EIF2B3: variants seen among roughly 807,000 people sequenced by gnomAD.
EIF2B3 encodes eukaryotic translation initiation factor 2B subunit gamma.
In EIF2B3, 20 loss-of-function variants were observed where a neutral mutation model predicts 54.1. The observed-to-expected ratio is 0.37, with a 90% CI of 0.26 to 0.54. The LOEUF is 0.54. Among genes scored for constraint, EIF2B3 ranks in the 20% least tolerant of loss-of-function variants. The probability of loss-of-function intolerance (pLI) is 0.86; values close to 1 mark genes in which losing one functional copy is unlikely to be tolerated. For missense variants in EIF2B3, 448 were observed against 547.8 expected (o/e 0.82, Z 1.82); for synonymous variants, 153 against 188.1 (o/e 0.81, Z 1.52).
At chr1:44,910,386 C>T (rs1465771751) in intron 5 of EIF2B3, among the ~76,000 whole-genome samples, 2 of 152,192 alleles carry the variant, frequency 1.3e-5, no homozygotes, top group East Asian at 3.8e-4. Context: ...TCTACCAGAA[C>T]ATTCTTTCCT....
chr1:44,894,031 A>T (rs1569642540), intron 6 of EIF2B3, among the ~76,000 whole-genome samples: 1 of 152,306 alleles, frequency 6.6e-6, no homozygotes, highest in East Asian at 1.9e-4. Flanking sequence ...GTCTAGGAGC[A>T]GCTCCTACTA....
intron 5 of EIF2B3, among the ~76,000 whole-genome samples, chr1:44,899,843 A>T (rs1203541941): frequency 6.6e-6 from 1 of 152,252 alleles, no homozygotes; most frequent in African/African-American, 2.4e-5. Flanking sequence ...ATATATCCAA[A>T]GGAAAAGAAA....
intron 3 of EIF2B3, among the ~76,000 whole-genome samples, chr1:44,975,194 C>T (rs537367310): frequency 7.9e-5 from 12 of 151,616 alleles, no homozygotes; most frequent in Admixed American, 2.0e-4. Flanking sequence ...CCAGCCTGGA[C>T]GACAGAGCAA....
intron 3 of EIF2B3, chr1:44,959,526 G>A (rs959774727): frequency 2.5e-5 from 5 of 199,332 alleles, no homozygotes; most frequent in Non-Finnish European, 4.1e-5. Flanking sequence ...CTGGGCAACA[G>A]AGTGAGACCC....
chr1:44,973,664 A>T (rs1280435466), intron 3 of EIF2B3, among the ~76,000 whole-genome samples: 2 of 152,136 alleles, frequency 1.3e-5, no homozygotes, highest in Non-Finnish European at 2.9e-5. Context: ...AGATCATGCC[A>T]CTGCACCCCA....
chr1:44,979,247 A>AAAAC (rs761510441), intron 2 of EIF2B3, among the ~76,000 whole-genome samples: 9 of 151,406 alleles, frequency 5.9e-5, no homozygotes, highest in South Asian at 2.1e-4. Flanking sequence ...AGTCTGTCTC[A>AAAAC]AAACAAACAA....
intron 10 of EIF2B3, among the ~76,000 whole-genome samples, chr1:44,873,098 G>A (rs1655015084): frequency 1.3e-5 from 2 of 152,134 alleles, no homozygotes; most frequent in South Asian, 4.1e-4. Context: ...GAATTATGTC[G>A]CTTATTTTTT....
At chr1:44,860,511 C>A (rs746715975) in intron 10 of EIF2B3, among the ~76,000 whole-genome samples, 6 of 152,162 alleles carry the variant, frequency 3.9e-5, no homozygotes, top group Non-Finnish European at 8.8e-5. Flanking sequence ...TAAAAAAGAG[C>A]AACCACATTT....
At chr1:44,949,238 A>G (rs1330434737) in intron 3 of EIF2B3, among the ~76,000 whole-genome samples, 1 of 152,136 alleles carries the variant, frequency 6.6e-6, no homozygotes, top group Non-Finnish European at 1.5e-5. Flanking sequence ...ACTCTATTAT[A>G]TATTTATCCA....
At chr1:44,894,559 C>G (rs1655902967) in intron 6 of EIF2B3, among the ~76,000 whole-genome samples, 1 of 152,070 alleles carries the variant, frequency 6.6e-6, no homozygotes, top group Non-Finnish European at 1.5e-5. Context: ...AACATGTAAA[C>G]AAATAACAAA....
At chr1:44,930,225 G>C (rs1643884422) in intron 4 of EIF2B3, among the ~76,000 whole-genome samples, 1 of 152,108 alleles carries the variant, frequency 6.6e-6, no homozygotes, top group East Asian at 1.9e-4. Context: ...GCTATGTCTA[G>C]AGTTAGGAAT....
intron 4 of EIF2B3, among the ~76,000 whole-genome samples, chr1:44,941,088 T>C (rs1419785377): frequency 6.6e-6 from 1 of 152,064 alleles, no homozygotes; most frequent in East Asian, 1.9e-4. Context: ...GGTTTCACCA[T>C]GTTGGCCAGG....
chr1:44,913,919 C>T (rs371590700), intron 5 of EIF2B3, among the ~76,000 whole-genome samples: 1 of 145,888 alleles, frequency 6.9e-6, no homozygotes, highest in East Asian at 2.1e-4. Context: ...CTCCGCCTCC[C>T]GGGTTCAAGT....
rs1655337140 is a variant in EIF2B3 at position 44,879,976 on chromosome 1, G to T, written c.817C>A (p.Leu273Met). The T allele has an allele frequency of 6.2e-7, 1 of 1,614,104 alleles. No homozygotes were observed. Among genetic ancestry groups the T allele is most frequent in the South Asian group, 1.1e-5 (1 of 91,096 alleles). The change falls in exon 8 of 12, where the codon CTG (leucine) becomes ATG (methionine). Residue 273 changes from leucine (L) to methionine (M), a missense_variant. By Grantham distance (15) the Leu-to-Met change is conservative (BLOSUM62 2). Coordinates refer to ENST00000360403, the MANE Select transcript of EIF2B3 (RefSeq NM_020365.5). ...IYSFIKEANT[L>M]NLAPYDACWN... ...CAGGCATCATAGGGAGCCAGGTTCA[G>T]TGTATTGGCTTCTTTTATAAAACTG...
intron 5 of EIF2B3, among the ~76,000 whole-genome samples, chr1:44,920,738 G>C (rs1187781529): frequency 1.3e-5 from 2 of 152,126 alleles, no homozygotes; most frequent in Non-Finnish European, 2.9e-5. Flanking sequence ...TTTTATGTCT[G>C]AATAGTACTT....
chr1:44,950,399 G>A (rs768015190), intron 3 of EIF2B3, among the ~76,000 whole-genome samples: 9 of 152,238 alleles, frequency 5.9e-5, no homozygotes, highest in Admixed American at 2.0e-4. Context: ...TCCAGCACCC[G>A]TGACAGAGTG....
chr1:44,936,752 T>A (rs539081338), intron 4 of EIF2B3, among the ~76,000 whole-genome samples: 4 of 152,202 alleles, frequency 2.6e-5, no homozygotes, highest in Admixed American at 6.5e-5. Flanking sequence ...AATAAATATG[T>A]GATATAGAAT....
chr1:44,962,976 G>A (rs1644300675), intron 3 of EIF2B3, among the ~76,000 whole-genome samples: 1 of 152,060 alleles, frequency 6.6e-6, no homozygotes, highest in Admixed American at 6.6e-5. Flanking sequence ...GCTCATGCCT[G>A]TAATCCCAAC....
intron 3 of EIF2B3, among the ~76,000 whole-genome samples, chr1:44,972,151 G>A (rs1005507531): frequency 8.5e-5 from 13 of 152,114 alleles, no homozygotes; most frequent in African/African-American, 2.4e-4. Context: ...CACTTTGGGA[G>A]GCCAAGGTGG....
Sources: allele counts gnomAD v4.1 joint callset (sites outside exome capture counted in the v4.1 genomes callset), GRCh38; gene constraint gnomAD v4.1.1; transcripts MANE v1.5; gene names NCBI Gene and HGNC (gene_info 2026-07-23, HGNC 2026-07-21).